The following RCN2 variants were observed in gnomAD, a reference collection of about 807,000 sequenced individuals.
RCN2 encodes reticulocalbin 2, also known as reticulocalbin-2.
In RCN2, 23 loss-of-function variants were observed where a neutral mutation model predicts 37.5. The observed-to-expected ratio is 0.61, with a 90% CI of 0.44 to 0.87. RCN2 has a LOEUF of 0.87. Ranked by LOEUF, RCN2 falls within the 40% of genes least tolerant of loss-of-function variation. The pLI is 0.00. For missense variants in RCN2, 381 were observed against 390.4 expected (o/e 0.98, Z 0.20); for synonymous variants, 140 against 144.6 (o/e 0.97, Z 0.23).
In RCN2 at chr15:76,931,949, C is replaced by A; in HGVS notation, c.108C>A (p.Arg36=). ...TGCACTACCCGCTGGGCGAGCGCCG[C>A]AGCGACTACGACCGCGAGGCGCTGC... ...EELHYPLGER[R]SDYDREALLG... The change falls in exon 1 of 7, where the codon CGC becomes CGA. Residue 36 remains arginine (R), a synonymous_variant. Coordinates refer to ENST00000394885, the MANE Select transcript of RCN2 (RefSeq NM_002902.3). The A allele has an allele frequency of 7.8e-7, 1 of 1,287,974 alleles. No individual in the cohort carries two copies. Among genetic ancestry groups the A allele is most frequent in the Non-Finnish European group, 9.8e-7 (1 of 1,022,210 alleles). The allele number at this position is 1,287,974 out of a possible 1,614,324, so 79.8% of individuals were successfully genotyped here. A position where few individuals can be genotyped will look rare whatever the true frequency, so the allele number is the denominator to read the frequency against.
intron 2 of RCN2, among the ~76,000 whole-genome samples, chr15:76,934,568 C>T (rs894752909): frequency 3.9e-5 from 6 of 152,190 alleles, no homozygotes; most frequent in African/African-American, 9.7e-5. Context: ...CCCATAACTT[C>T]GTTAAAATTT....
At chr15:76,941,755 C>A in intron 3 of RCN2, 1 of 816,234 alleles carries the variant, frequency 1.2e-6, no homozygotes. Flanking sequence ...AAGCTACCCC[C>A]TTCACTTTTT....
At position 76,932,463 on chromosome 15, in the gene RCN2, G is replaced by A; in HGVS notation, c.247G>A (p.Glu83Lys). ...IDLDSDGFLT[E>K]SELSSWIQMS... ...CTTGGACTCAGATGGCTTTCTCACTGAAAGTAAGGACTGCCCTACACGACT... is the reference window on the plus strand; with the variant it reads ...CTTGGACTCAGATGGCTTTCTCACTAAAAGTAAGGACTGCCCTACACGACT... The change falls in exon 2 of 7, where the codon GAA (glutamate) becomes AAA (lysine). Residue 83 changes from glutamate (E) to lysine (K), a missense_variant. Physicochemically the swap from Glu to Lys is moderately conservative, Grantham distance 56 (BLOSUM62 1). Transcript: ENST00000394885. The A allele has an allele frequency of 6.3e-7, 1 of 1,599,176 alleles. No individual in the cohort carries two copies. Among genetic ancestry groups the A allele is most frequent in the Admixed American group, 1.7e-5 (1 of 59,848 alleles).
At chr15:76,942,173 C>T (rs1163112878) in intron 3 of RCN2, 1 of 152,202 alleles carries the variant, frequency 6.6e-6, no homozygotes, top group Non-Finnish European at 1.5e-5. Flanking sequence ...AGGTGAGCCT[C>T]TCCGCTGTAA....
rs1404829988 is a variant in RCN2 at position 76,954,067 on chromosome 15, A to G, written c.*4845A>G. ...TTTTTTTTTTTCTTTTTTTTTTTTA[A>G]TAGTAGCCATCCTGTTGGGTGAGAC... On this transcript the variant is annotated 3_prime_UTR_variant, in exon 7 of 7. Transcript: ENST00000394885. 7.1e-6 allele frequency: 1 copy of G among 140,780 alleles called. No homozygotes were observed. Among genetic ancestry groups the G allele is most frequent in the Admixed American group, 7.3e-5 (1 of 13,676 alleles). The allele number at this position is 140,780 out of a possible 1,614,324, so 8.7% of individuals were successfully genotyped here.
At chr15:76,940,451 A>C (rs1485428084) in intron 3 of RCN2, among the ~76,000 whole-genome samples, 1 of 152,170 alleles carries the variant, frequency 6.6e-6, no homozygotes, top group Non-Finnish European at 1.5e-5. Context: ...AAATAAAATA[A>C]TCATAAAAAG....
rs1047126481 is a variant in RCN2 at position 76,946,415 on chromosome 15, C to T, written c.562-1006C>T. On this transcript the variant is annotated intron_variant, in intron 4 of 6. Transcript: ENST00000394885. ...ATGCCACTATTATTGTGCCACTGCT[C>T]TCTAGCCTGGGTGACAGAATGAGAT... Among the ~76,000 whole-genome samples the T allele has an allele frequency of 1.3e-4, 19 of 151,426 alleles. 1 individual carries two copies. Among genetic ancestry groups the T allele is most frequent in the African/African-American group, 4.1e-4 (17 of 41,222 alleles).
At chr15:76,939,448 A>C (rs1288672011) in intron 3 of RCN2, among the ~76,000 whole-genome samples, 1 of 152,144 alleles carries the variant, frequency 6.6e-6, no homozygotes, top group South Asian at 2.1e-4. Flanking sequence ...GTTAACTATC[A>C]GCTTTAGATT....
intron 5 of RCN2, chr15:76,948,057 ATTACT>A (rs1217282620): frequency 5.9e-6 from 1 of 170,534 alleles, no homozygotes; most frequent in Non-Finnish European, 1.2e-5. Context: ...TACACATGGC[ATTACT>A]TTGTGAAAAC....
chr15:76,953,555 CTATATATATATATA>C lies in RCN2; in HGVS notation c.*4359_*4372del, dbSNP rs1284356930. On this transcript the variant is annotated 3_prime_UTR_variant, in exon 7 of 7. Transcript: ENST00000394885. ...GGGATTGCTGGATCATATAGTAATT[CTATATATATATATA>C]TATATATATATATATATATATATAT... is the stretch of plus-strand genomic sequence containing the variant. 4.5e-3 allele frequency: 120 copies of C among 26,702 alleles called. No homozygotes were observed. The highest frequency in any genetic ancestry group is 9.7e-3 in the African/African-American group (57 of 5,886). 1.7% of individuals were successfully genotyped at this position (26,702 alleles called of 1,614,324 possible).
intron 3 of RCN2, chr15:76,941,658 C>T: frequency 6.7e-7 from 1 of 1,502,804 alleles, no homozygotes; most frequent in Admixed American, 2.1e-5. Flanking sequence ...TTGTAAAAAA[C>T]AGTCTTTCTG....
chr15:76,944,709 T>A (rs1276855012), intron 4 of RCN2, among the ~76,000 whole-genome samples: 3 of 152,140 alleles, frequency 2.0e-5, no homozygotes, highest in Non-Finnish European at 2.9e-5. Context: ...TGTTGCAGGA[T>A]CTCTTTCTTT....
intron 3 of RCN2, 33 bp downstream of exon 3, chr15:76,935,755 T>A (rs770776814): frequency 4.6e-6 from 7 of 1,528,056 alleles, no homozygotes. Flanking sequence ...TTTCTTTTGA[T>A]CATGTCAGTT....
chr15:76,939,352 T>C (rs1255727271), intron 3 of RCN2, among the ~76,000 whole-genome samples: 2 of 152,172 alleles, frequency 1.3e-5, no homozygotes, highest in African/African-American at 2.4e-5. Context: ...CAAGCAGTTC[T>C]GTTTTGATTT....
Position 76,953,580 on chromosome 15 carries a change from TATATATATA to T in RCN2, c.*4359_*4367del, listed in dbSNP as rs2075332641. 1 of 20,846 alleles carries T rather than the reference TATATATATA, an allele frequency of 4.8e-5. No individual in the cohort carries two copies. Among genetic ancestry groups the T allele is most frequent in the Non-Finnish European group, 1.1e-4 (1 of 9,450 alleles). 1.3% of individuals were successfully genotyped at this position (20,846 alleles called of 1,614,324 possible). A position where few individuals can be genotyped will look rare whatever the true frequency, so the allele number is the denominator to read the frequency against. Reference sequence around the variant, plus strand: ...CTATATATATATATATATATATATATATATATATATATATTTTTTTTTTTTTTTTTTTTT... The same window carrying T: ...CTATATATATATATATATATATATATTATATTTTTTTTTTTTTTTTTTTTT... On this transcript the variant is annotated 3_prime_UTR_variant, in exon 7 of 7. Transcript: ENST00000394885.
chr15:76,935,694 A>T lies in RCN2; in HGVS notation c.419A>T (p.Asp140Val). 6.2e-7 allele frequency: 1 copy of T among 1,613,762 alleles called. No individual in the cohort carries two copies. Among genetic ancestry groups the T allele is most frequent in the Non-Finnish European group, 8.5e-7 (1 of 1,179,850 alleles). The change falls in exon 3 of 7, where the codon GAT becomes GTT. Residue 140 changes from aspartate (D) to valine (V), a missense_variant. Physicochemically the swap from Asp to Val is radical, Grantham distance 152 (BLOSUM62 -3). Transcript: ENST00000394885. ...VIDFDENTAL[D>V]DAEEESFRKL... ...GACTTTGATGAGAACACTGCTCTGG[A>T]TGATGCAGAAGAGGAGTCCTTTAGG...
In RCN2 at chr15:76,948,558, T is replaced by C. The variant is rs757394903; in HGVS notation, c.801+6T>C. ...AGGGCATTGCACAAGAGGAGGTAAG[T>C]GTTACAGAACAACTGTTTCTCTCCA... On this transcript the variant is annotated splice_donor_region_variant and intron_variant, in intron 6 of 6. Transcript: ENST00000394885. 5.8e-6 allele frequency: 9 copies of C among 1,551,338 alleles called. No individual in the cohort carries two copies. The East Asian group carries it at 2.1e-4, about 36-fold the overall frequency.
chr15:76,931,997 A>G lies in RCN2; in HGVS notation c.144+12A>G. The G allele has an allele frequency of 8.0e-7, 1 of 1,255,804 alleles. No individual in the cohort carries two copies. Among genetic ancestry groups the G allele is most frequent in the Non-Finnish European group, 1.0e-6 (1 of 1,004,686 alleles). 77.8% of individuals were successfully genotyped at this position (1,255,804 alleles called of 1,614,324 possible). A position where few individuals can be genotyped will look rare whatever the true frequency, so the allele number is the denominator to read the frequency against. On this transcript the variant is annotated intron_variant, in intron 1 of 6. Coordinates refer to ENST00000394885, the MANE Select transcript of RCN2 (RefSeq NM_002902.3). ...TGCTGGGCGTCCAGGTGAGGCGGCC[A>G]GGCCGGTGCTGGGAGGGCCGGGCCT...
Position 76,952,181 on chromosome 15 carries a change from T to A in RCN2, c.*2959T>A, listed in dbSNP as rs1403874409. On this transcript the variant is annotated 3_prime_UTR_variant, in exon 7 of 7. Transcript: ENST00000394885. ...ATAGTACCTACCAGAGTGGTACATT[T>A]GTTAAAATCGATGAAACTGTTAACA... 1 of 152,192 alleles carries A rather than the reference T, an allele frequency of 6.6e-6. No individual in the cohort carries two copies. Among genetic ancestry groups the A allele is most frequent in the Non-Finnish European group, 1.5e-5 (1 of 68,032 alleles). The allele number at this position is 152,192 out of a possible 1,614,324, so 9.4% of individuals were successfully genotyped here. A position where few individuals can be genotyped will look rare whatever the true frequency, so the allele number is the denominator to read the frequency against.
Sources: allele counts gnomAD v4.1 joint callset (sites outside exome capture counted in the v4.1 genomes callset), GRCh38; gene constraint gnomAD v4.1.1; transcripts MANE v1.5; gene names NCBI Gene and HGNC (gene_info 2026-07-23, HGNC 2026-07-21).